Variants in ERLEC1 observed in about 807,000 individuals in gnomAD.
ERLEC1 encodes ER lectin.
ERLEC1 carries 47 observed loss-of-function variants against 68.0 expected under a neutral mutation model. The ratio of observed to expected loss-of-function variants is 0.69; its 90% confidence interval spans 0.55 to 0.88. The LOEUF is 0.88. Among genes scored for constraint, ERLEC1 ranks in the 40% least tolerant of loss-of-function variants. The pLI is 0.00. For synonymous variants in ERLEC1, 225 were observed against 203.2 expected, an observed-to-expected ratio of 1.11 and a Z score of -0.91; for missense variants, 567 against 583.8, an observed-to-expected ratio of 0.97 and a Z score of 0.30.
chr2:53,788,808 C>A (rs558038115), intron 1 of ERLEC1: 50 of 152,204 alleles, frequency 3.3e-4, no homozygotes, highest in African/African-American at 1.2e-3. Flanking sequence ...TCAGATATAA[C>A]TTTAGCAGGC....
intron 8 of ERLEC1, among the ~76,000 whole-genome samples, chr2:53,802,655 AATAC>A (rs1676066609): frequency 6.6e-6 from 1 of 152,214 alleles, no homozygotes; most frequent in African/African-American, 2.4e-5. Flanking sequence ...TCACTCGTGT[AATAC>A]AAACCCCTTT....
intron 1 of ERLEC1, among the ~76,000 whole-genome samples, chr2:53,788,362 TAG>T (rs748283580): frequency 1.3e-5 from 2 of 152,168 alleles, no homozygotes; most frequent in Non-Finnish European, 2.9e-5. Flanking sequence ...TTGCAAGTGT[TAG>T]GGGTTTTTTG....
At chr2:53,798,122 G>C (rs1675816112) in intron 5 of ERLEC1, among the ~76,000 whole-genome samples, 3 of 152,148 alleles carry the variant, frequency 2.0e-5, no homozygotes, top group African/African-American at 7.2e-5. Context: ...ATGAACACAG[G>C]AGGCGGAGCT....
chr2:53,791,355 G>T (rs559110770), intron 1 of ERLEC1, among the ~76,000 whole-genome samples: 1 of 152,248 alleles, frequency 6.6e-6, no homozygotes, highest in South Asian at 2.1e-4. Context: ...CTCTTCCACT[G>T]AAAATACCTT....
At chr2:53,814,978 T>C (rs1337662429) in intron 13 of ERLEC1, 43 bp downstream of exon 13, 1 of 1,239,810 alleles carries the variant, frequency 8.1e-7, no homozygotes, top group East Asian at 2.4e-5. Flanking sequence ...TTTTGAGCCA[T>C]GTTTTAATTT....
chr2:53,787,741 T>C (rs1291441144), intron 1 of ERLEC1: 3 of 192,068 alleles, frequency 1.6e-5, no homozygotes, highest in Admixed American at 5.8e-5. Context: ...AGCAGACTTC[T>C]TTCCTTCAGT....
At chr2:53,813,332 A>G (rs1405795394) in intron 11 of ERLEC1, among the ~76,000 whole-genome samples, 1 of 152,074 alleles carries the variant, frequency 6.6e-6, no homozygotes, top group Non-Finnish European at 1.5e-5. Context: ...CATCTTTTTT[A>G]TCTCTCACTT....
intron 4 of ERLEC1, 28 bp downstream of exon 4, chr2:53,797,620 GA>G (rs1675783951): frequency 6.3e-7 from 1 of 1,592,380 alleles, no homozygotes; most frequent in African/African-American, 1.3e-5. Context: ...ATATTATTAT[GA>G]AACATTATAA....
chr2:53,806,027 C>A (rs1485916043), intron 8 of ERLEC1, among the ~76,000 whole-genome samples: 1 of 152,158 alleles, frequency 6.6e-6, no homozygotes. Context: ...ATCTGTTAAA[C>A]GTAACTTTTC....
chr2:53,817,394 GA>G (rs560109508), intron 13 of ERLEC1, among the ~76,000 whole-genome samples: 164 of 152,060 alleles, frequency 1.1e-3, no homozygotes, highest in African/African-American at 3.7e-3. Context: ...CGGCCTCCCA[GA>G]GTGCTGGGAT....
In ERLEC1 at chr2:53,808,555, C is replaced by G. The variant is rs183178507; in HGVS notation, c.1041+95C>G. The G allele has an allele frequency of 3.2e-6, 4 of 1,250,990 alleles. No homozygotes were observed. The East Asian group carries it at 7.3e-5, about 23-fold the overall frequency. The allele number at this position is 1,250,990 out of a possible 1,614,324, so 77.5% of individuals were successfully genotyped here. A position where few individuals can be genotyped will look rare whatever the true frequency, so the allele number is the denominator to read the frequency against. On this transcript the variant is annotated intron_variant, in intron 9 of 13. Coordinates refer to ENST00000185150, the MANE Select transcript of ERLEC1 (RefSeq NM_015701.5). ...CAGCAGCACTGAAAAGAATTTTTCT[C>G]TAGAGAAATGACAGGATCCTTTCAT...
intron 8 of ERLEC1, among the ~76,000 whole-genome samples, chr2:53,803,231 T>C (rs909507406): frequency 1.3e-5 from 2 of 152,216 alleles, no homozygotes; most frequent in African/African-American, 4.8e-5. Flanking sequence ...AAAATATTAC[T>C]GGACTCTTTG....
rs1033624206 is a variant in ERLEC1, at chr2:53,797,722, T to C, written c.427-10T>C. On this transcript the variant is annotated splice_polypyrimidine_tract_variant and intron_variant, in intron 4 of 13. Coordinates refer to ENST00000185150, the MANE Select transcript of ERLEC1 (RefSeq NM_015701.5). Reference sequence around the variant, plus strand: ...TACTTAGTATATTTTTATTTTACTTTTCAATGTAGAAAATAAATATTCACG... The same window carrying C: ...TACTTAGTATATTTTTATTTTACTTCTCAATGTAGAAAATAAATATTCACG... 8.7e-6 allele frequency: 14 copies of C among 1,606,180 alleles called. No homozygotes were observed. The African/African-American group carries it at 1.1e-4, about 12-fold the overall frequency.
At chr2:53,810,364 G>A (rs1350016191) in intron 10 of ERLEC1, among the ~76,000 whole-genome samples, 5 of 152,066 alleles carry the variant, frequency 3.3e-5, no homozygotes, top group Admixed American at 6.5e-5. Context: ...TTTAAAATAA[G>A]TTTTAAGATT....
intron 6 of ERLEC1, among the ~76,000 whole-genome samples, chr2:53,799,819 A>G (rs558551512): frequency 1.3e-5 from 2 of 152,286 alleles, no homozygotes; most frequent in South Asian, 2.1e-4. Context: ...GAGACTTGAT[A>G]AGCTAAGCAG....
chr2:53,815,005 T>C (rs1047234949), intron 13 of ERLEC1, 70 bp downstream of exon 13: 53 of 968,376 alleles, frequency 5.5e-5, no homozygotes, highest in South Asian at 4.4e-4. Context: ...CTTTTTTTTT[T>C]TTTTTTTTTT....
intron 12 of ERLEC1, 52 bp downstream of exon 12, chr2:53,814,672 C>G: frequency 7.4e-7 from 1 of 1,342,730 alleles, no homozygotes; most frequent in Non-Finnish European, 1.1e-6. Context: ...TAACTGCTTC[C>G]TATGGACAAA....
At chr2:53,799,367 T>G (rs1263549898) in intron 6 of ERLEC1, among the ~76,000 whole-genome samples, 1 of 152,168 alleles carries the variant, frequency 6.6e-6, no homozygotes, top group Non-Finnish European at 1.5e-5. Context: ...TTAGCAGTGG[T>G]TCCCTCTATA....
At chr2:53,798,381 C>T (rs1384253584) in intron 5 of ERLEC1, among the ~76,000 whole-genome samples, 8 of 151,808 alleles carry the variant, frequency 5.3e-5, no homozygotes, top group Admixed American at 4.6e-4. Context: ...CCTGCCTCAG[C>T]CTCCCAAGTA....
Sources: gnomAD v4.1 joint callset for allele counts (sites outside exome capture counted in the v4.1 genomes callset) on GRCh38, gnomAD v4.1.1 for gene constraint, MANE v1.5 for transcripts, NCBI Gene and HGNC (gene_info 2026-07-23, HGNC 2026-07-21) for gene names.